PRDM11: variants seen among roughly 807,000 people sequenced by gnomAD.
The protein encoded by PRDM11 is PR/SET domain 11, also known as PR domain-containing protein 11.
In PRDM11, 20 loss-of-function variants were observed where a neutral mutation model predicts 97.8. The observed-to-expected ratio is 0.20, with a 90% CI of 0.14 to 0.30. The LOEUF (loss-of-function observed/expected upper bound fraction) is 0.30, where lower values mean the gene tolerates loss of function less well. PRDM11 is among the 10% of genes least tolerant of loss of function. PRDM11 has a pLI of 1.00. For synonymous variants in PRDM11, 599 were observed against 637.7 expected (o/e 0.94, Z 0.91); for missense variants, 1,139 against 1,555.2 (o/e 0.73, Z 4.50).
intron 1 of PRDM11, among the ~76,000 whole-genome samples, chr11:45,173,297 C>T (rs78583970): frequency 2.5e-3 from 379 of 152,206 alleles, no homozygotes; most frequent in Non-Finnish European, 4.3e-3. Context: ...ATAGAAGCCA[C>T]CAGCAGGATC....
chr11:45,187,211 T>A (rs1013119667), intron 4 of PRDM11, among the ~76,000 whole-genome samples: 2 of 152,086 alleles, frequency 1.3e-5, no homozygotes, highest in Non-Finnish European at 2.9e-5. Context: ...CAGAGGGCTG[T>A]AGCAGTAGGG....
chr11:45,154,522 G>A (rs1346733239), intron 1 of PRDM11, among the ~76,000 whole-genome samples: 1 of 152,166 alleles, frequency 6.6e-6, no homozygotes, highest in African/African-American at 2.4e-5. Flanking sequence ...AGGGGTGGGG[G>A]CAGATAGCTG....
At chr11:45,178,969 T>G (rs1261126355) in intron 1 of PRDM11, among the ~76,000 whole-genome samples, 1 of 152,166 alleles carries the variant, frequency 6.6e-6, no homozygotes, top group Non-Finnish European at 1.5e-5. Context: ...CACACTGCCA[T>G]GAAGTGTGAC....
At chr11:45,211,448 G>C (rs947825051) in intron 5 of PRDM11, among the ~76,000 whole-genome samples, 2 of 152,162 alleles carry the variant, frequency 1.3e-5, no homozygotes, top group African/African-American at 4.8e-5. Flanking sequence ...CATACCCTTG[G>C]TCACCAGAAA....
intron 1 of PRDM11, among the ~76,000 whole-genome samples, chr11:45,156,029 A>G (rs573809216): frequency 2.0e-5 from 3 of 152,304 alleles, no homozygotes; most frequent in South Asian, 2.1e-4. Flanking sequence ...GAGCCAGGAT[A>G]TGAACCTAGG....
At chr11:45,201,897 T>C (rs1853341802) in intron 4 of PRDM11, among the ~76,000 whole-genome samples, 3 of 152,052 alleles carry the variant, frequency 2.0e-5, no homozygotes, top group African/African-American at 4.8e-5. Flanking sequence ...GGCGTGAACC[T>C]GGGAGGCGGA....
chr11:45,128,427 A>G lies in PRDM11; in HGVS notation c.96+32526A>G, dbSNP rs1005703693. Among the ~76,000 whole-genome samples the G allele has an allele frequency of 1.1e-4, 17 of 151,896 alleles. No homozygotes were observed. In the East Asian group the frequency reaches 3.1e-3, roughly 28 times the overall value. ...TCAGATGGAAATGCAGAAATCACCC[A>G]TCTTCTGCGTCGCTCACGCTGGAAG... On this transcript the variant is annotated intron_variant, in intron 1 of 6. Transcript: ENST00000530656.
At chr11:45,122,658 A>G (rs899772024) in intron 1 of PRDM11, among the ~76,000 whole-genome samples, 13 of 152,074 alleles carry the variant, frequency 8.5e-5, no homozygotes, top group Non-Finnish European at 1.5e-4. Context: ...ATGTCCCTAC[A>G]AAGGACATGA....
intron 1 of PRDM11, among the ~76,000 whole-genome samples, chr11:45,106,629 G>T (rs557368365): frequency 6.6e-5 from 10 of 152,314 alleles, no homozygotes; most frequent in African/African-American, 2.4e-4. Context: ...CTTGACGGTG[G>T]TGGCAGGAAC....
At chr11:45,108,393 GT>G (rs1852101974) in intron 1 of PRDM11, among the ~76,000 whole-genome samples, 1 of 152,336 alleles carries the variant, frequency 6.6e-6, no homozygotes, top group African/African-American at 2.4e-5. Context: ...GGCCAGGTCT[GT>G]TCTGACTGTT....
At chr11:45,109,714 C>A (rs1852134342) in intron 1 of PRDM11, among the ~76,000 whole-genome samples, 1 of 152,148 alleles carries the variant, frequency 6.6e-6, no homozygotes, top group Admixed American at 6.5e-5. Flanking sequence ...GCCTGCTTAT[C>A]AGGTAGTGAG....
chr11:45,203,623 ATT>A (rs3052176), intron 4 of PRDM11, among the ~76,000 whole-genome samples: 2 of 143,976 alleles, frequency 1.4e-5, no homozygotes, highest in Non-Finnish European at 1.5e-5. Context: ...TACTCCCATA[ATT>A]TTTTTTTTTT....
chr11:45,122,096 A>G (rs1185502764), intron 1 of PRDM11, among the ~76,000 whole-genome samples: 2 of 152,098 alleles, frequency 1.3e-5, no homozygotes, highest in Non-Finnish European at 2.9e-5. Flanking sequence ...AGGAAAAAAA[A>G]TACACAGTGG....
intron 4 of PRDM11, among the ~76,000 whole-genome samples, chr11:45,191,030 G>A (rs1199328620): frequency 6.6e-6 from 1 of 152,138 alleles, no homozygotes; most frequent in South Asian, 2.1e-4. Context: ...ATCCTTTGTG[G>A]TTTTTTCCCC....
In PRDM11 at chr11:45,202,390, C is replaced by T. The variant is rs55737188; in HGVS notation, c.487-2321C>T. On this transcript the variant is annotated intron_variant, in intron 4 of 7. Coordinates refer to ENST00000683152, the MANE Select transcript of PRDM11 (RefSeq NM_001384648.1). ...GTAACAGAGATAATGCCATGATAGA[C>T]CAGGGATGAGGTATGGCCAGGAAGA... Among the ~76,000 whole-genome samples the T allele has an allele frequency of 6.1e-3, 930 of 152,236 alleles. 5 individuals carry two copies. Among genetic ancestry groups the T allele is most frequent in the South Asian group, 9.7e-3 (47 of 4,826 alleles).
At chr11:45,149,608 T>A (rs907312708) in intron 1 of PRDM11, among the ~76,000 whole-genome samples, 5 of 152,236 alleles carry the variant, frequency 3.3e-5, no homozygotes, top group African/African-American at 1.2e-4. Context: ...GAATTATAAA[T>A]GACAGTGATT....
At chr11:45,139,638 T>C (rs1565254778) in intron 1 of PRDM11, among the ~76,000 whole-genome samples, 1 of 151,724 alleles carries the variant, frequency 6.6e-6, no homozygotes, top group Non-Finnish European at 1.5e-5. Flanking sequence ...CCCTGAAATT[T>C]CATTTTGGGA....
At chr11:45,216,588 T>A (rs1380018112) in intron 5 of PRDM11, among the ~76,000 whole-genome samples, 1 of 152,234 alleles carries the variant, frequency 6.6e-6, no homozygotes, top group Non-Finnish European at 1.5e-5. Context: ...ACCTCTTAAA[T>A]GGTATAACAT....
rs11607555 is a variant in PRDM11 at position 45,111,727 on chromosome 11, C to G, written c.96+15826C>G. Among the ~76,000 whole-genome samples the G allele has an allele frequency of 4.1e-3, 618 of 152,140 alleles. 9 individuals carry two copies. Among genetic ancestry groups the G allele is most frequent in the Non-Finnish European group, 4.0e-3 (270 of 68,000 alleles). Reference sequence around the variant, plus strand: ...CTGTCGATTTGAAAGGTTTTGTTCCCGAGGGAGAAATGCTTCCATCGCGGA... The same window carrying G: ...CTGTCGATTTGAAAGGTTTTGTTCCGGAGGGAGAAATGCTTCCATCGCGGA... On this transcript the variant is annotated intron_variant, in intron 1 of 6. Coordinates refer to the PRDM11 transcript ENST00000530656.
Sources: allele counts gnomAD v4.1 joint callset (sites outside exome capture counted in the v4.1 genomes callset), GRCh38; gene constraint gnomAD v4.1.1; transcripts MANE v1.5; gene names NCBI Gene and HGNC (gene_info 2026-07-23, HGNC 2026-07-21).